The following TEAD1 variants were observed in gnomAD, a reference collection of about 807,000 sequenced individuals.
TEAD1 encodes TEA domain transcription factor 1.
TEAD1 carries 9 observed loss-of-function variants against 54.9 expected under a neutral mutation model. The observed-to-expected ratio is 0.16, with a 90% CI of 0.10 to 0.29. The LOEUF (loss-of-function observed/expected upper bound fraction) is 0.29, where lower values mean the gene tolerates loss of function less well. Ranked by LOEUF, TEAD1 falls within the 10% of genes least tolerant of loss-of-function variation. The probability of loss-of-function intolerance (pLI) is 1.00; values close to 1 mark genes in which losing one functional copy is unlikely to be tolerated. For synonymous variants in TEAD1, 200 were observed against 187.8 expected (o/e 1.07, Z -0.53); for missense variants, 387 against 535.9 (o/e 0.72, Z 2.74).
Position 12,907,046 on chromosome 11 carries a change from C to G in TEAD1, c.873+4933C>G, listed in dbSNP as rs142727117. Among the ~76,000 whole-genome samples the G allele has an allele frequency of 8.8e-3, 1,338 of 152,164 alleles. 8 individuals carry two copies. Among genetic ancestry groups the G allele is most frequent in the Middle Eastern group, 0.017 (5 of 292 alleles). On this transcript the variant is annotated intron_variant, in intron 10 of 12. Coordinates refer to ENST00000527636, the MANE Select transcript of TEAD1 (RefSeq NM_021961.6). ...GTGGAATTGCTGGGTCCTACGGTAA[C>G]TCTATGTTTAACATTTTAAGATACT...
intron 9 of TEAD1, among the ~76,000 whole-genome samples, chr11:12,892,490 A>C (rs769411927): frequency 4.6e-5 from 7 of 152,112 alleles, no homozygotes; most frequent in Non-Finnish European, 1.0e-4. Context: ...ACAAAAATAC[A>C]AAAATTAGCT....
At chr11:12,882,652 CG>C in intron 8 of TEAD1, among the ~76,000 whole-genome samples, 1 of 152,294 alleles carries the variant, frequency 6.6e-6, no homozygotes, top group East Asian at 1.9e-4. Context: ...ATGGCATGTT[CG>C]GGTCTCACAG....
At chr11:12,878,053 C>G (rs1319130404) in intron 5 of TEAD1, among the ~76,000 whole-genome samples, 2 of 152,108 alleles carry the variant, frequency 1.3e-5, no homozygotes, top group African/African-American at 4.8e-5. Context: ...GTAATCCTCC[C>G]ACCTCAGCCT....
At chr11:12,798,128 G>T (rs1233632763) in intron 3 of TEAD1, among the ~76,000 whole-genome samples, 1 of 152,134 alleles carries the variant, frequency 6.6e-6, no homozygotes, top group African/African-American at 2.4e-5. Flanking sequence ...CTACACTATT[G>T]TTTTTACCTT....
chr11:12,908,071 A>G (rs1948550811), intron 10 of TEAD1, among the ~76,000 whole-genome samples: 1 of 152,162 alleles, frequency 6.6e-6, no homozygotes, highest in African/African-American at 2.4e-5. Flanking sequence ...TTTTTTTTAA[A>G]AAGCCTTTCT....
intron 2 of TEAD1, among the ~76,000 whole-genome samples, chr11:12,730,227 T>A (rs1182458321): frequency 1.3e-5 from 2 of 152,076 alleles, no homozygotes; most frequent in Non-Finnish European, 2.9e-5. Context: ...TATAGCACTT[T>A]ATTGTTTACA....
chr11:12,795,285 A>G (rs765418953), intron 3 of TEAD1, among the ~76,000 whole-genome samples: 6 of 152,164 alleles, frequency 3.9e-5, no homozygotes, highest in Non-Finnish European at 8.8e-5. Flanking sequence ...TGTAAGGACA[A>G]TTGTCATATT....
At chr11:12,859,554 C>T (rs1469384494) in intron 3 of TEAD1, among the ~76,000 whole-genome samples, 1 of 152,180 alleles carries the variant, frequency 6.6e-6, no homozygotes, top group African/African-American at 2.4e-5. Flanking sequence ...ATCTGTACAA[C>T]CATCTGAGAG....
intron 3 of TEAD1, among the ~76,000 whole-genome samples, chr11:12,838,959 G>C (rs1420688969): frequency 6.6e-6 from 1 of 152,140 alleles, no homozygotes; most frequent in Non-Finnish European, 1.5e-5. Context: ...CGCTCAAACT[G>C]GGGAAACAGA....
At chr11:12,785,480 A>G (rs114768242) in intron 3 of TEAD1, among the ~76,000 whole-genome samples, 2,041 of 152,300 alleles carry the variant, frequency 0.013, 47 homozygotes, top group African/African-American at 0.047. Flanking sequence ...TCAGACTACG[A>G]CACTTCAGAG....
chr11:12,857,873 G>A (rs1229638900), intron 3 of TEAD1, among the ~76,000 whole-genome samples: 1 of 152,036 alleles, frequency 6.6e-6, no homozygotes, highest in Non-Finnish European at 1.5e-5. Context: ...TTGCTTGAGC[G>A]CAGGAGTTTG....
At chr11:12,803,560 A>AGCTGTGTGGCCCTCTGTGCCT (rs1221931960) in intron 3 of TEAD1, among the ~76,000 whole-genome samples, 2 of 152,302 alleles carry the variant, frequency 1.3e-5, no homozygotes, top group African/African-American at 4.8e-5. Flanking sequence ...CCTCCATGCC[A>AGCTGTGTGGCCCTCTGTGCCT]GCTGTGTGGC....
intron 2 of TEAD1, among the ~76,000 whole-genome samples, chr11:12,744,971 G>T (rs1375934965): frequency 6.6e-6 from 1 of 152,188 alleles, no homozygotes; most frequent in African/African-American, 2.4e-5. Flanking sequence ...GCTGTGCTCT[G>T]CTCTGCTGGC....
intron 2 of TEAD1, among the ~76,000 whole-genome samples, chr11:12,763,601 A>G (rs1945144805): frequency 2.0e-5 from 3 of 152,222 alleles, no homozygotes; most frequent in Admixed American, 6.5e-5. Flanking sequence ...TCCTGCCACC[A>G]TCTTGCATCT....
chr11:12,718,520 G>C (rs922575973), intron 2 of TEAD1, among the ~76,000 whole-genome samples: 7 of 151,928 alleles, frequency 4.6e-5, no homozygotes, highest in Admixed American at 4.6e-4. Context: ...GTGGGGCAAG[G>C]GTTTTGAAAC....
intron 9 of TEAD1, among the ~76,000 whole-genome samples, chr11:12,885,117 A>G (rs1229525407): frequency 1.3e-5 from 2 of 152,218 alleles, no homozygotes; most frequent in Non-Finnish European, 2.9e-5. Context: ...AGGCCCAGAC[A>G]TACTAAGTGA....
intron 3 of TEAD1, among the ~76,000 whole-genome samples, chr11:12,827,481 T>A (rs1357201978): frequency 6.6e-6 from 1 of 152,184 alleles, no homozygotes; most frequent in Non-Finnish European, 1.5e-5. Context: ...ATGAGAACAC[T>A]TAGTATCCCT....
chr11:12,713,315 T>G (rs756629398), intron 2 of TEAD1, among the ~76,000 whole-genome samples: 12 of 152,242 alleles, frequency 7.9e-5, no homozygotes, highest in Non-Finnish European at 1.8e-4. Context: ...CCATTGTGCC[T>G]GTCCTGGGGC....
rs547980354 is a variant in TEAD1, at chr11:12,941,825, A to G, written c.*4603A>G. On this transcript the variant is annotated 3_prime_UTR_variant, in exon 13 of 13. Transcript: ENST00000527636. ...TGGAAGCATTTCTCTTACTACTGTT[A>G]CTTTTGTAGGAAGTTTTCAATTCAG... The G allele has an allele frequency of 6.6e-6, 1 of 152,618 alleles. No homozygotes were observed. The highest frequency in any genetic ancestry group is 1.5e-5 in the Non-Finnish European group (1 of 68,028). 9.5% of individuals were successfully genotyped at this position (152,618 alleles called of 1,614,324 possible).
Sources: gnomAD v4.1 joint callset for allele counts (sites outside exome capture counted in the v4.1 genomes callset) on GRCh38, gnomAD v4.1.1 for gene constraint, MANE v1.5 for transcripts, NCBI Gene and HGNC (gene_info 2026-07-23, HGNC 2026-07-21) for gene names.